PLPPR1: variants seen among roughly 807,000 people sequenced by gnomAD.
The protein encoded by PLPPR1 is phospholipid phosphatase related 1.
A neutral mutation model predicts 33.1 loss-of-function variants in PLPPR1; 10 were observed. The observed-to-expected ratio is 0.30, with a 90% CI of 0.19 to 0.51. The LOEUF is 0.51. Ranked by LOEUF, PLPPR1 falls within the 20% of genes least tolerant of loss-of-function variation. The pLI, the probability that PLPPR1 is intolerant of heterozygous loss-of-function variation, is 0.97. For synonymous variants in PLPPR1, 151 were observed against 151.0 expected (o/e 1.00, Z 0.00); for missense variants, 304 against 408.1 (o/e 0.74, Z 2.20).
At chr9:101,074,849 C>T (rs913976096) in intron 1 of PLPPR1, among the ~76,000 whole-genome samples, 14 of 152,044 alleles carry the variant, frequency 9.2e-5, no homozygotes, top group African/African-American at 1.4e-4. Context: ...AAAGGAAGAA[C>T]TACAGATACA....
At chr9:101,040,328 A>G (rs796129843) in intron 1 of PLPPR1, among the ~76,000 whole-genome samples, 9 of 152,230 alleles carry the variant, frequency 5.9e-5, no homozygotes, top group African/African-American at 2.2e-4. Flanking sequence ...TGAGGTGTGA[A>G]TGTTAAGAAT....
intron 2 of PLPPR1, among the ~76,000 whole-genome samples, chr9:101,237,703 A>G (rs1196288648): frequency 7.0e-6 from 1 of 143,674 alleles, no homozygotes; most frequent in Non-Finnish European, 1.5e-5. Context: ...CTATATATAT[A>G]GTCTATATCT....
intron 1 of PLPPR1, among the ~76,000 whole-genome samples, chr9:101,048,031 T>C (rs1468653187): frequency 2.0e-5 from 3 of 152,158 alleles, no homozygotes; most frequent in Admixed American, 6.5e-5. Context: ...GCCTAGTATA[T>C]AGAAGGAGTT....
At chr9:101,202,032 C>T (rs895098929) in intron 2 of PLPPR1, among the ~76,000 whole-genome samples, 1 of 152,166 alleles carries the variant, frequency 6.6e-6, no homozygotes, top group Non-Finnish European at 1.5e-5. Flanking sequence ...TCTTCAAACA[C>T]AAGATGCAAA....
At chr9:101,164,970 A>C (rs1825834862) in intron 1 of PLPPR1, among the ~76,000 whole-genome samples, 1 of 152,088 alleles carries the variant, frequency 6.6e-6, no homozygotes, top group Non-Finnish European at 1.5e-5. Context: ...GTTGGAGCTA[A>C]AGGCAAACTT....
intron 1 of PLPPR1, among the ~76,000 whole-genome samples, chr9:101,068,986 T>C (rs1291424992): frequency 3.3e-5 from 5 of 152,066 alleles, no homozygotes; most frequent in East Asian, 1.9e-4. Context: ...AGGGTATCTT[T>C]GGGAACTGAG....
At chr9:101,030,243 G>A (rs1829927668) in intron 1 of PLPPR1, among the ~76,000 whole-genome samples, 2 of 151,854 alleles carry the variant, frequency 1.3e-5, no homozygotes, top group Non-Finnish European at 2.9e-5. Flanking sequence ...AGGAGTCCAG[G>A]ACTGGGACAA....
intron 1 of PLPPR1, among the ~76,000 whole-genome samples, chr9:101,157,950 G>C (rs979469902): frequency 6.6e-6 from 1 of 152,128 alleles, no homozygotes; most frequent in Non-Finnish European, 1.5e-5. Flanking sequence ...GTTGCAGTGA[G>C]CCAAGATTGC....
In PLPPR1 at chr9:101,174,121, C is replaced by T. The variant is rs142868590; in HGVS notation, c.-45-11329C>T. ...CAAGTGAGCTGTGATGGCACCACTG[C>T]ATTCTAGCCTGGGCAACAGAGTGAG... is the stretch of plus-strand genomic sequence containing the variant. On this transcript the variant is annotated intron_variant, in intron 1 of 7. Transcript: ENST00000374874. 2.0e-5 allele frequency among the ~76,000 whole-genome samples: 3 copies of T among 152,132 alleles called. No individual in the cohort carries two copies. The East Asian group carries it at 5.8e-4, about 29-fold the overall frequency.
At position 101,179,504 on chromosome 9, in the gene PLPPR1, A is replaced by G. The variant is rs537169335; in HGVS notation, c.-45-5946A>G. On this transcript the variant is annotated intron_variant, in intron 1 of 7. Transcript: ENST00000374874. ...AAAATATCTTCATTTTATTTCCTTT[A>G]TCATGTGACATAAGATTTATTGACT... Among the ~76,000 whole-genome samples the G allele has an allele frequency of 1.8e-3, 271 of 152,290 alleles. 2 individuals carry two copies. In the South Asian group the frequency reaches 0.02, roughly 11 times the overall value.
At chr9:101,204,721 GCTA>G (rs1826557618) in intron 2 of PLPPR1, among the ~76,000 whole-genome samples, 1 of 151,996 alleles carries the variant, frequency 6.6e-6, no homozygotes, top group Non-Finnish European at 1.5e-5. Flanking sequence ...TTCTTACTGG[GCTA>G]CTATGAATGA....
intron 2 of PLPPR1, among the ~76,000 whole-genome samples, chr9:101,215,097 G>T (rs999868906): frequency 2.0e-5 from 3 of 151,702 alleles, no homozygotes; most frequent in African/African-American, 7.3e-5. Context: ...TTTTATGTTT[G>T]TAATAGTAAA....
At chr9:101,167,183 T>TGTGTGTGTG (rs1474743077) in intron 1 of PLPPR1, among the ~76,000 whole-genome samples, 1 of 67,228 alleles carries the variant, frequency 1.5e-5, no homozygotes, top group Non-Finnish European at 3.4e-5. Flanking sequence ...TGTGTGTGTG[T>TGTGTGTGTG]CTTTCTCTCT....
At chr9:101,145,055 T>C (rs1433962711) in intron 1 of PLPPR1, among the ~76,000 whole-genome samples, 1 of 152,178 alleles carries the variant, frequency 6.6e-6, no homozygotes, top group African/African-American at 2.4e-5. Context: ...GTTAACATAA[T>C]GTCCTCCAGT....
In PLPPR1 at chr9:101,230,588, T is replaced by C. The variant is rs139937113; in HGVS notation, c.64-39292T>C. On this transcript the variant is annotated intron_variant, in intron 2 of 7. Coordinates refer to ENST00000374874, the MANE Select transcript of PLPPR1 (RefSeq NM_207299.2). Reference sequence around the variant, plus strand: ...AGGACTGTGGTTTTCTAGCACTATCTATGACTGAGTAGGCACATCTACCTG... The same window carrying C: ...AGGACTGTGGTTTTCTAGCACTATCCATGACTGAGTAGGCACATCTACCTG... Among the ~76,000 whole-genome samples the C allele has an allele frequency of 2.4e-3, 359 of 152,242 alleles. 3 individuals are homozygous for C. Among genetic ancestry groups the C allele is most frequent in the African/African-American group, 7.8e-3 (325 of 41,562 alleles).
In PLPPR1 at chr9:101,089,561, C is replaced by T. The variant is rs142780806; in HGVS notation, c.-46+60459C>T. Among the ~76,000 whole-genome samples the T allele has an allele frequency of 4.9e-3, 738 of 152,130 alleles. 11 individuals are homozygous for T. The highest frequency in any genetic ancestry group is 0.017 in the African/African-American group (706 of 41,498). On this transcript the variant is annotated intron_variant, in intron 1 of 7. Coordinates refer to ENST00000374874, the MANE Select transcript of PLPPR1 (RefSeq NM_207299.2). ...GGAATAATATCGGACCAAATGTAAC[C>T]TGCTTTTCCATGTAAAAATGTAGTA...
intron 4 of PLPPR1, among the ~76,000 whole-genome samples, chr9:101,295,685 A>C (rs1828614742): frequency 6.6e-6 from 1 of 151,896 alleles, no homozygotes; most frequent in South Asian, 2.1e-4. Flanking sequence ...AAACCTGAGA[A>C]AAACAAGCAA....
At chr9:101,313,297 C>A (rs1346276681) in intron 6 of PLPPR1, among the ~76,000 whole-genome samples, 1 of 152,102 alleles carries the variant, frequency 6.6e-6, no homozygotes, top group Middle Eastern at 3.2e-3. Flanking sequence ...TCAAACCAAT[C>A]TTCTCTAAGT....
At chr9:101,201,767 A>G (rs1025008982) in intron 2 of PLPPR1, among the ~76,000 whole-genome samples, 4 of 152,068 alleles carry the variant, frequency 2.6e-5, no homozygotes, top group East Asian at 1.9e-4. Flanking sequence ...GTTTTATTCA[A>G]CTTGCTCTAT....
Sources: allele counts gnomAD v4.1 joint callset (sites outside exome capture counted in the v4.1 genomes callset), GRCh38; gene constraint gnomAD v4.1.1; transcripts MANE v1.5; gene names NCBI Gene and HGNC (gene_info 2026-07-23, HGNC 2026-07-21).